MLLT10: variants seen among roughly 807,000 people sequenced by gnomAD.
MLLT10 encodes the protein protein AF-10.
MLLT10 carries 30 observed loss-of-function variants against 129.1 expected under a neutral mutation model. The ratio of observed to expected loss-of-function variants is 0.23; its 90% CI spans 0.17 to 0.32. The LOEUF is 0.32. MLLT10 is among the 10% of genes least tolerant of loss of function. The probability of loss-of-function intolerance (pLI) is 1.00; values close to 1 mark genes in which losing one functional copy is unlikely to be tolerated. For missense variants in MLLT10, 1,119 were observed against 1,268.3 expected (o/e 0.88, Z 1.79); for synonymous variants, 490 against 446.4 (o/e 1.10, Z -1.23).
chr10:21,620,024 G>T (rs1182660318), intron 8 of MLLT10, among the ~76,000 whole-genome samples: 2 of 151,534 alleles, frequency 1.3e-5, no homozygotes, highest in African/African-American at 4.8e-5. Flanking sequence ...CTGCCTCCCG[G>T]GTTCAAGCGA....
intron 4 of MLLT10, among the ~76,000 whole-genome samples, chr10:21,587,797 G>A (rs548494941): frequency 3.9e-4 from 60 of 152,258 alleles, no homozygotes; most frequent in African/African-American, 1.4e-3. Context: ...ATGTTATACA[G>A]TCAGATTGTA....
chr10:21,647,078 G>A (rs1046028150), intron 8 of MLLT10, among the ~76,000 whole-genome samples: 3 of 152,038 alleles, frequency 2.0e-5, no homozygotes, highest in African/African-American at 7.2e-5. Context: ...GGATGGTCTC[G>A]ATCTCCCGAC....
chr10:21,580,357 C>T (rs1415095103), intron 3 of MLLT10, among the ~76,000 whole-genome samples: 1 of 151,048 alleles, frequency 6.6e-6, no homozygotes, highest in South Asian at 2.1e-4. Flanking sequence ...ATCTTACCAT[C>T]CTTATCACAG....
intron 18 of MLLT10, 97 bp from the exon 19 acceptor site, chr10:21,733,407 A>G: frequency 1.3e-6 from 1 of 766,550 alleles, no homozygotes; most frequent in South Asian, 2.8e-5. Flanking sequence ...TGGTTTTGAT[A>G]CGGGCTTCAG....
chr10:21,738,474 T>C, intron 21 of MLLT10: 1 of 1,289,026 alleles, frequency 7.8e-7, no homozygotes, highest in South Asian at 1.2e-5. Flanking sequence ...TTGGAGACCA[T>C]GAGGACTAAA....
At chr10:21,566,043 A>G (rs965794149) in intron 3 of MLLT10, among the ~76,000 whole-genome samples, 2 of 137,652 alleles carry the variant, frequency 1.5e-5, no homozygotes, top group African/African-American at 5.6e-5. Context: ...CCCTCCACCT[A>G]GTGGGTTCAA....
intron 9 of MLLT10, among the ~76,000 whole-genome samples, chr10:21,658,799 G>A (rs959887299): frequency 6.6e-6 from 1 of 152,074 alleles, no homozygotes; most frequent in Non-Finnish European, 1.5e-5. Flanking sequence ...GAGTAACTGG[G>A]ACTACAGGCG....
intron 9 of MLLT10, among the ~76,000 whole-genome samples, chr10:21,656,592 T>C (rs1207778981): frequency 1.3e-5 from 2 of 152,216 alleles, no homozygotes; most frequent in East Asian, 3.8e-4. Context: ...TTTAGTGCAC[T>C]TTTTCTGTGA....
chr10:21,735,564 G>GAAC (rs1564749563), intron 21 of MLLT10, among the ~76,000 whole-genome samples: 1 of 152,128 alleles, frequency 6.6e-6, no homozygotes, highest in Non-Finnish European at 1.5e-5. Flanking sequence ...ATACTGAGAA[G>GAAC]AACAAAGAAG....
intron 3 of MLLT10, among the ~76,000 whole-genome samples, chr10:21,570,667 T>G (rs530878732): frequency 4.6e-5 from 7 of 152,178 alleles, no homozygotes; most frequent in Non-Finnish European, 8.8e-5. Context: ...TCTTAGACTT[T>G]GTAATTTTCA....
Position 21,567,814 on chromosome 10 carries a change from GCTT to G in MLLT10, c.241-18473_241-18471del, listed in dbSNP as rs1325897502. 9.3e-5 allele frequency among the ~76,000 whole-genome samples: 14 copies of G among 151,238 alleles called. No homozygotes were observed. In the East Asian group the frequency reaches 1.7e-3, roughly 19 times the overall value. ...CTGGAGAGAGAAGGCTTTTGTTGGG[GCTT>G]CTTCTTTTTTTTTTTTTTTTGAGAC... On this transcript the variant is annotated intron_variant, in intron 3 of 22. Transcript: ENST00000307729.
At position 21,623,479 on chromosome 10, in the gene MLLT10, C is replaced by T. The variant is rs552250077; in HGVS notation, c.699+6272C>T. ...AAAATGCTCTTATCACCCCATCACT[C>T]AGGACATCAAAGGATTTTTAGAAGT... On this transcript the variant is annotated intron_variant, in intron 8 of 22. Coordinates refer to ENST00000307729, the MANE Select transcript of MLLT10 (RefSeq NM_001195626.3). Among the ~76,000 whole-genome samples, 13 of 152,296 alleles carry T rather than the reference C, an allele frequency of 8.5e-5. No individual in the cohort carries two copies. The South Asian group carries it at 2.1e-3, about 24-fold the overall frequency.
rs1288149340 is a variant in MLLT10, at chr10:21,586,276, C to G, written c.241-18C>G. On this transcript the variant is annotated intron_variant, in intron 3 of 22. Coordinates refer to ENST00000307729, the MANE Select transcript of MLLT10 (RefSeq NM_001195626.3). ...AATCTGAAATATTCATTACCTGTTT[C>G]TTTTTTTTTTTTTATAGAGATGTGA... 4 of 1,293,584 alleles carry G rather than the reference C, an allele frequency of 3.1e-6. No homozygotes were observed. The highest frequency in any genetic ancestry group is 4.3e-6 in the Non-Finnish European group (4 of 940,512). 80.1% of individuals were successfully genotyped at this position (1,293,584 alleles called of 1,614,324 possible). A position where few individuals can be genotyped will look rare whatever the true frequency, so the allele number is the denominator to read the frequency against.
At position 21,733,721 on chromosome 10, in the gene MLLT10, G is replaced by A. The variant is rs41277390; in HGVS notation, c.2497-47G>A. The A allele has an allele frequency of 0.022, 34,380 of 1,552,518 alleles. 793 individuals are homozygous for A. Among genetic ancestry groups the A allele is most frequent in the African/African-American group, 0.12 (8,480 of 72,606 alleles). On this transcript the variant is annotated intron_variant, in intron 19 of 22. Coordinates refer to ENST00000307729, the MANE Select transcript of MLLT10 (RefSeq NM_001195626.3). ...CTTAGTTTCTCTTCTTTCTTACGCTGGGACTTAATGTCCAGTGGACTTAGT... is the reference window on the plus strand; with the variant it reads ...CTTAGTTTCTCTTCTTTCTTACGCTAGGACTTAATGTCCAGTGGACTTAGT...
chr10:21,650,350 CAAAAA>C (rs1313364260), intron 8 of MLLT10, among the ~76,000 whole-genome samples: 6 of 151,798 alleles, frequency 4.0e-5, no homozygotes, highest in African/African-American at 9.7e-5. Flanking sequence ...GGCCCTGTTT[CAAAAA>C]GAAAAGAAAA....
At chr10:21,683,037 AT>A (rs1163634626) in intron 13 of MLLT10, among the ~76,000 whole-genome samples, 2 of 152,076 alleles carry the variant, frequency 1.3e-5, no homozygotes, top group Non-Finnish European at 2.9e-5. Context: ...TTTTCAATAC[AT>A]TTTCATTAAC....
intron 5 of MLLT10, among the ~76,000 whole-genome samples, chr10:21,605,442 AT>A (rs1321338186): frequency 6.6e-5 from 10 of 151,766 alleles, no homozygotes; most frequent in African/African-American, 2.4e-4. Flanking sequence ...TTTCATTGTT[AT>A]TTTATTTTAT....
chr10:21,541,034 C>T (rs2035056775), intron 3 of MLLT10, among the ~76,000 whole-genome samples: 1 of 152,054 alleles, frequency 6.6e-6, no homozygotes, highest in Non-Finnish European at 1.5e-5. Flanking sequence ...GTGGTGTGCA[C>T]CTGTAATGCC....
chr10:21,534,123 G>C (rs1411076331), upstream of MLLT10: 2 of 318,174 alleles, frequency 6.3e-6, no homozygotes, highest in Non-Finnish European at 1.1e-5. Flanking sequence ...CGCGGGGGAG[G>C]GGGACGGGGC....
Sources: gnomAD v4.1 joint callset for allele counts (sites outside exome capture counted in the v4.1 genomes callset) on GRCh38, gnomAD v4.1.1 for gene constraint, MANE v1.5 for transcripts, NCBI Gene and HGNC (gene_info 2026-07-23, HGNC 2026-07-21) for gene names.